Variants in FIRRM observed in about 807,000 individuals in gnomAD.
The protein encoded by FIRRM is FIGNL1 interacting regulator of recombination and mitosis, also known as FIGNL1-interacting regulator of recombination and mitosis.
the FIRRM span, among the ~76,000 whole-genome samples, chr1:169,806,947 G>T: frequency 1.3e-5 from 2 of 152,156 alleles, no homozygotes; most frequent in African/African-American, 4.8e-5. Flanking sequence ...AATACTCAAG[G>T]AATTAGCCAC....
At chr1:169,824,065 C>G in the FIRRM span, among the ~76,000 whole-genome samples, 1 of 152,174 alleles carries the variant, frequency 6.6e-6, no homozygotes, top group Non-Finnish European at 1.5e-5. Context: ...TCCCAGACAA[C>G]TTTTTCACAC....
the FIRRM span, among the ~76,000 whole-genome samples, chr1:169,796,500 C>T: frequency 6.6e-6 from 1 of 152,222 alleles, no homozygotes; most frequent in South Asian, 2.1e-4. Context: ...CTTGAATCCT[C>T]TCTGTCTCAC....
chr1:169,792,058 T>C, the FIRRM span, among the ~76,000 whole-genome samples: 1 of 152,220 alleles, frequency 6.6e-6, no homozygotes, highest in Non-Finnish European at 1.5e-5. Context: ...CTGTCACAGA[T>C]TCCCTTTGTT....
the FIRRM span, chr1:169,843,796 T>A: frequency 7.0e-7 from 1 of 1,438,600 alleles, no homozygotes; most frequent in African/African-American, 1.4e-5. Flanking sequence ...GATTGATACT[T>A]TGTTTGCTAA....
At chr1:169,829,928 AAG>A in the FIRRM span, among the ~76,000 whole-genome samples, 4,288 of 152,328 alleles carry the variant, frequency 0.028, 98 homozygotes, top group Non-Finnish European at 0.045. Context: ...TAAAGGCAGA[AAG>A]AGGAATATAA....
At chr1:169,832,599 A>T in the FIRRM span, 1 of 930,394 alleles carries the variant, frequency 1.1e-6, no homozygotes, top group Non-Finnish European at 1.7e-6. Flanking sequence ...CATTTTTAAA[A>T]ATTTATCTTA....
chr1:169,812,384 G>C, the FIRRM span, among the ~76,000 whole-genome samples: 2 of 152,308 alleles, frequency 1.3e-5, no homozygotes, highest in South Asian at 4.2e-4. Context: ...AGAATGGTAT[G>C]ATCTTTGGAG....
chr1:169,844,630 T>C, the FIRRM span, among the ~76,000 whole-genome samples: 2 of 152,234 alleles, frequency 1.3e-5, no homozygotes, highest in African/African-American at 4.8e-5. Context: ...GTATGTCCTA[T>C]ACCATATGTA....
the FIRRM span, chr1:169,802,671 A>C: frequency 1.7e-5 from 27 of 1,613,324 alleles, no homozygotes; most frequent in African/African-American, 2.9e-4. Context: ...GTCAAGCCAG[A>C]GGACTGTCAA....
At chr1:169,840,064 A>G in the FIRRM span, among the ~76,000 whole-genome samples, 3 of 151,956 alleles carry the variant, frequency 2.0e-5, no homozygotes, top group East Asian at 5.8e-4. Flanking sequence ...TAGGTTCTCT[A>G]TTGTGTTTCA....
At chr1:169,817,670 C>T in the FIRRM span, among the ~76,000 whole-genome samples, 1 of 152,130 alleles carries the variant, frequency 6.6e-6, no homozygotes, top group Non-Finnish European at 1.5e-5. Context: ...ACTGTATAGA[C>T]AAATCTATCT....
the FIRRM span, among the ~76,000 whole-genome samples, chr1:169,802,984 GT>G: frequency 6.6e-6 from 1 of 152,234 alleles, no homozygotes; most frequent in South Asian, 2.1e-4. Flanking sequence ...TGAAGTTTGT[GT>G]TAGTATTCTA....
the FIRRM span, chr1:169,852,450 C>G: frequency 3.5e-6 from 1 of 288,602 alleles, no homozygotes; most frequent in Non-Finnish European, 6.5e-6. Flanking sequence ...AAGTTTTAGT[C>G]AAACTCTCAT....
chr1:169,852,890 T>C, the FIRRM span: 1 of 1,614,142 alleles, frequency 6.2e-7, no homozygotes, highest in Non-Finnish European at 8.5e-7. Context: ...GAGTCACTAC[T>C]CCAAAAGGGT....
the FIRRM span, among the ~76,000 whole-genome samples, chr1:169,787,840 C>T: frequency 0.48 from 73,146 of 151,944 alleles, 18,157 homozygotes; most frequent in Middle Eastern, 0.55. Flanking sequence ...CCCCCTGTAA[C>T]GTGATGTATG....
chr1:169,805,924 A>T, the FIRRM span: 1 of 752,530 alleles, frequency 1.3e-6, no homozygotes, highest in Non-Finnish European at 2.3e-6. Flanking sequence ...GAAATTGTTC[A>T]GTAGATAGTT....
the FIRRM span, chr1:169,795,285 C>T: frequency 1.4e-6 from 2 of 1,473,394 alleles, no homozygotes; most frequent in Non-Finnish European, 1.8e-6. Flanking sequence ...TCTTCTGTCC[C>T]TTCAGACCCA....
At chr1:169,847,617 T>G in the FIRRM span, 1 of 1,098,382 alleles carries the variant, frequency 9.1e-7, no homozygotes, top group African/African-American at 1.6e-5. Context: ...TCCATCCAAA[T>G]CTTAGGCAGT....
chr1:169,793,518 A>G, the FIRRM span: 15 of 1,614,082 alleles, frequency 9.3e-6, no homozygotes, highest in Admixed American at 5.0e-5. Context: ...TGTTCCCACA[A>G]GTGATCCTGA....
Sources: gnomAD v4.1 joint callset for allele counts (sites outside exome capture counted in the v4.1 genomes callset) on GRCh38, gnomAD v4.1.1 for gene constraint, MANE v1.5 for transcripts, NCBI Gene and HGNC (gene_info 2026-07-23, HGNC 2026-07-21) for gene names.